The following KDM4C variants were observed in gnomAD, a reference collection of about 807,000 sequenced individuals.
KDM4C encodes lysine demethylase 4C.
A neutral mutation model predicts 129.3 loss-of-function variants in KDM4C; 81 were observed. That is an observed-to-expected ratio of 0.63 (90% CI 0.52 to 0.75). KDM4C has a LOEUF of 0.75. Among genes scored for constraint, KDM4C ranks in the 30% least tolerant of loss-of-function variants. The probability of loss-of-function intolerance (pLI) is 0.00; values close to 1 mark genes in which losing one functional copy is unlikely to be tolerated. For synonymous variants in KDM4C, 573 were observed against 456.1 expected (o/e 1.26, Z -3.26); for missense variants, 1,457 against 1,304.0 (o/e 1.12, Z -1.81).
At chr9:6,792,789 A>G (rs1173052199) in intron 1 of KDM4C, among the ~76,000 whole-genome samples, 183 bp from the exon 2 acceptor site, 2 of 152,178 alleles carry the variant, frequency 1.3e-5, no homozygotes, top group Non-Finnish European at 2.9e-5. Flanking sequence ...AGGAATGACT[A>G]GAGGCCCTTG....
Position 7,071,704 on chromosome 9 carries a change from C to T in KDM4C, c.2424+22504C>T, listed in dbSNP as rs561121511. 2.0e-5 allele frequency among the ~76,000 whole-genome samples: 3 copies of T among 152,222 alleles called. No individual in the cohort carries two copies. The South Asian group carries it at 6.2e-4, about 32-fold the overall frequency. ...CTTTGTGATCATGGGTTTTACGTCA[C>T]AAAAGCCCTATGAGATTTCTTAGAT... is the stretch of plus-strand genomic sequence containing the variant. On this transcript the variant is annotated intron_variant, in intron 17 of 21. Coordinates refer to ENST00000381309, the MANE Select transcript of KDM4C (RefSeq NM_015061.6).
chr9:6,911,130 T>A (rs949129118), intron 8 of KDM4C, among the ~76,000 whole-genome samples: 4 of 152,214 alleles, frequency 2.6e-5, no homozygotes, highest in African/African-American at 7.2e-5. Flanking sequence ...TAACAGATTA[T>A]TTTTTTAAAA....
chr9:7,112,339 G>C (rs886153428), intron 18 of KDM4C, among the ~76,000 whole-genome samples: 1 of 152,076 alleles, frequency 6.6e-6, no homozygotes, highest in African/African-American at 2.4e-5. Flanking sequence ...TTGAGGCCAA[G>C]TGGGAGTGGA....
chr9:7,071,092 G>A lies in KDM4C; in HGVS notation c.2424+21892G>A, dbSNP rs143967998. 1.1e-4 allele frequency among the ~76,000 whole-genome samples: 17 copies of A among 152,234 alleles called. 1 individual carries two copies. The East Asian group carries it at 3.3e-3, about 29-fold the overall frequency. The stretch of plus-strand genomic sequence containing the variant: ...TAATGCCAAAATAATGAAATGCGTA[G>A]ATATAACATGAAAGCATATATGCAA... On this transcript the variant is annotated intron_variant, in intron 17 of 21. Transcript: ENST00000381309.
At chr9:7,085,084 G>A (rs1242382113) in intron 17 of KDM4C, among the ~76,000 whole-genome samples, 2 of 152,214 alleles carry the variant, frequency 1.3e-5, no homozygotes, top group Non-Finnish European at 2.9e-5. Context: ...AAGGAAGGGT[G>A]TATTCGAGGA....
At chr9:7,100,493 C>T (rs1160027618) in intron 17 of KDM4C, among the ~76,000 whole-genome samples, 1 of 152,152 alleles carries the variant, frequency 6.6e-6, no homozygotes, top group East Asian at 1.9e-4. Flanking sequence ...GTGCTCACCA[C>T]AACTCCTGGC....
chr9:6,808,173 A>G (rs1372173837), intron 3 of KDM4C, among the ~76,000 whole-genome samples: 2 of 62,156 alleles, frequency 3.2e-5, no homozygotes, highest in Non-Finnish European at 5.9e-5. Context: ...CTGCCCGGCC[A>G]CCACCCCGTC....
chr9:6,867,019 T>TA (rs1563725996), intron 5 of KDM4C, among the ~76,000 whole-genome samples: 7 of 58,828 alleles, frequency 1.2e-4, no homozygotes, highest in African/African-American at 2.5e-4. Flanking sequence ...ATATATATAT[T>TA]TTTTTTTTTT....
intron 11 of KDM4C, among the ~76,000 whole-genome samples, chr9:6,987,944 G>A (rs772652452): frequency 6.6e-6 from 1 of 151,222 alleles, no homozygotes; most frequent in Non-Finnish European, 1.5e-5. Context: ...ATCCCCTCGA[G>A]CCCAGAGGTT....
intron 4 of KDM4C, among the ~76,000 whole-genome samples, chr9:6,827,507 C>T (rs1834090948): frequency 6.6e-6 from 1 of 152,170 alleles, no homozygotes; most frequent in Admixed American, 6.5e-5. Flanking sequence ...TTTTCCCTCT[C>T]CCTCAATGGG....
intron 19 of KDM4C, among the ~76,000 whole-genome samples, chr9:7,157,133 C>T (rs895164226): frequency 2.6e-5 from 4 of 152,094 alleles, no homozygotes; most frequent in South Asian, 2.1e-4. Flanking sequence ...TGGGAGTTCA[C>T]CCATGATTTG....
At chr9:6,728,832 C>T (rs983374611) in intron 1 of KDM4C, among the ~76,000 whole-genome samples, 2 of 151,648 alleles carry the variant, frequency 1.3e-5, no homozygotes, top group African/African-American at 2.4e-5. Flanking sequence ...GGTGACAGAG[C>T]GAGACTCCAT....
At chr9:6,811,859 G>C (rs974911236) in intron 3 of KDM4C, among the ~76,000 whole-genome samples, 3 of 152,100 alleles carry the variant, frequency 2.0e-5, no homozygotes, top group African/African-American at 7.2e-5. Flanking sequence ...AGAGGTTCTG[G>C]GTAAGAAGAT....
rs115649615 is a variant in KDM4C, at chr9:6,904,487, G to T, written c.921+11255G>T. On this transcript the variant is annotated intron_variant, in intron 8 of 21. Transcript: ENST00000381309. ...TTGCACAGATCTTGTTAACAAATCA[G>T]AATGTTGAAAATGAACACCTTAGCT... 5.1e-3 allele frequency among the ~76,000 whole-genome samples: 767 copies of T among 150,814 alleles called. 4 individuals carry two copies. The highest frequency in any genetic ancestry group is 0.018 in the African/African-American group (723 of 41,024).
chr9:6,837,585 C>T (rs1221500261), intron 4 of KDM4C, among the ~76,000 whole-genome samples: 2 of 152,184 alleles, frequency 1.3e-5, no homozygotes, highest in Non-Finnish European at 2.9e-5. Context: ...ATTTGCACCT[C>T]TCTGATTAAA....
At chr9:6,855,643 C>A (rs1349231349) in intron 5 of KDM4C, among the ~76,000 whole-genome samples, 1 of 152,054 alleles carries the variant, frequency 6.6e-6, no homozygotes, top group Admixed American at 6.6e-5. Context: ...TTCACCTTAC[C>A]CCTATCTCTT....
rs192929323 is a variant in KDM4C at position 7,057,532 on chromosome 9, T to C, written c.2424+8332T>C. On this transcript the variant is annotated intron_variant, in intron 17 of 21. Transcript: ENST00000381309. ...CCCTCTGAAGCTCATCTGTAAATTA[T>C]GGTGATTGTGAGGATGAAATGAAAA... Among the ~76,000 whole-genome samples the C allele has an allele frequency of 2.5e-3, 374 of 152,388 alleles. 9 individuals carry two copies. The East Asian group carries it at 0.025, about 10-fold the overall frequency.
chr9:6,918,202 C>G (rs186499325), intron 8 of KDM4C, among the ~76,000 whole-genome samples: 4 of 152,216 alleles, frequency 2.6e-5, no homozygotes, highest in Admixed American at 1.3e-4. Context: ...TCCCCAGTGT[C>G]TACAGTTCCC....
intron 5 of KDM4C, among the ~76,000 whole-genome samples, chr9:6,853,551 G>C (rs1323853193): frequency 6.6e-6 from 1 of 152,124 alleles, no homozygotes; most frequent in African/African-American, 2.4e-5. Flanking sequence ...AGAATACTAA[G>C]TTTCCTGAGT....
Sources: gnomAD v4.1 joint callset for allele counts (sites outside exome capture counted in the v4.1 genomes callset) on GRCh38, gnomAD v4.1.1 for gene constraint, MANE v1.5 for transcripts, NCBI Gene and HGNC (gene_info 2026-07-23, HGNC 2026-07-21) for gene names.